Variants in THSD7B observed in about 807,000 individuals in gnomAD.
The protein encoded by THSD7B is thrombospondin type-1 domain-containing protein 7B.
Under a neutral mutation model 213.6 loss-of-function variants are expected in THSD7B, and 138 were observed. That is an observed-to-expected ratio of 0.65 (90% CI 0.56 to 0.74). The LOEUF is 0.74. Among genes scored for constraint, THSD7B ranks in the 30% least tolerant of loss-of-function variants. THSD7B has a pLI of 0.00. For missense variants in THSD7B, 1,931 were observed against 1,991.5 expected (o/e 0.97, Z 0.58); for synonymous variants, 742 against 687.0 (o/e 1.08, Z -1.25).
chr2:136,993,839 C>T (rs1019861662), intron 2 of THSD7B, among the ~76,000 whole-genome samples: 9 of 152,226 alleles, frequency 5.9e-5, no homozygotes, highest in Non-Finnish European at 8.8e-5. Flanking sequence ...TCTGTGTCTG[C>T]GTGCATGTGT....
rs1194192962 is a variant in THSD7B, at chr2:137,170,738, T to G, written c.1526-3T>G. 1.2e-6 allele frequency: 2 copies of G among 1,606,048 alleles called. No individual in the cohort carries two copies. Among genetic ancestry groups the G allele is most frequent in the East Asian group, 2.2e-5 (1 of 44,690 alleles). ...CTGAAAATTCTTTTCTCTCTCTTTT[T>G]AGGATTTAGAACGAGGCAGCGCCAT... is the stretch of plus-strand genomic sequence containing the variant. On this transcript the variant is annotated splice_region_variant and splice_polypyrimidine_tract_variant and intron_variant, in intron 6 of 27. Coordinates refer to ENST00000409968, the MANE Select transcript of THSD7B (RefSeq NM_001316349.2).
At chr2:137,633,032 A>C (rs1435072613) in intron 20 of THSD7B, among the ~76,000 whole-genome samples, 1 of 152,166 alleles carries the variant, frequency 6.6e-6, no homozygotes, top group African/African-American at 2.4e-5. Context: ...AATACCACAC[A>C]TGTGCTAAAG....
At chr2:136,921,174 C>A (rs1196805277) in intron 2 of THSD7B, among the ~76,000 whole-genome samples, 1 of 146,622 alleles carries the variant, frequency 6.8e-6, no homozygotes, top group Non-Finnish European at 1.5e-5. Context: ...AGTGTCCTTA[C>A]AGCAGCCGCT....
chr2:136,787,376 T>G (rs1681881062), intron 1 of THSD7B, among the ~76,000 whole-genome samples: 1 of 152,146 alleles, frequency 6.6e-6, no homozygotes, highest in South Asian at 2.1e-4. Flanking sequence ...TAGGTGTAAA[T>G]TATTCTTTTC....
intron 12 of THSD7B, among the ~76,000 whole-genome samples, chr2:137,363,928 A>C (rs113293339): frequency 6.6e-6 from 1 of 152,190 alleles, no homozygotes; most frequent in Admixed American, 6.5e-5. Context: ...CCTGGCAGAG[A>C]CACAACAAAA....
At chr2:136,852,885 TA>T (rs1411492034) in intron 1 of THSD7B, among the ~76,000 whole-genome samples, 2 of 152,122 alleles carry the variant, frequency 1.3e-5, no homozygotes, top group Non-Finnish European at 1.5e-5. Context: ...GCATTTCCAT[TA>T]AAAAAATTGT....
chr2:137,555,662 C>T (rs1351233159), intron 15 of THSD7B, among the ~76,000 whole-genome samples: 1 of 152,072 alleles, frequency 6.6e-6, no homozygotes, highest in East Asian at 1.9e-4. Context: ...GAACACAGCT[C>T]CTCACCAGCA....
chr2:137,273,584 G>A (rs942762212), intron 11 of THSD7B, among the ~76,000 whole-genome samples: 4 of 152,066 alleles, frequency 2.6e-5, no homozygotes, highest in Admixed American at 6.6e-5. Context: ...ACCTAAAGCT[G>A]TGAAATTCAA....
chr2:137,163,078 A>T (rs1472021323), intron 6 of THSD7B, among the ~76,000 whole-genome samples: 1 of 152,048 alleles, frequency 6.6e-6, no homozygotes, highest in Admixed American at 6.6e-5. Context: ...ATTTTTCCGG[A>T]TAATTCGGAA....
At chr2:136,816,606 G>A (rs566613641) in intron 1 of THSD7B, among the ~76,000 whole-genome samples, 5 of 152,152 alleles carry the variant, frequency 3.3e-5, no homozygotes, top group Admixed American at 2.6e-4. Context: ...TTACATTTCT[G>A]GTAATTTCTT....
chr2:137,552,828 A>G (rs1323212205), intron 15 of THSD7B, among the ~76,000 whole-genome samples: 1 of 152,234 alleles, frequency 6.6e-6, no homozygotes, highest in Non-Finnish European at 1.5e-5. Context: ...GAAAAGGGTC[A>G]GAATGTGGTA....
At chr2:137,620,995 A>C (rs920045797) in intron 20 of THSD7B, among the ~76,000 whole-genome samples, 3 of 152,206 alleles carry the variant, frequency 2.0e-5, no homozygotes, top group Non-Finnish European at 4.4e-5. Context: ...AAGCTCAACA[A>C]ATTGAAAAAA....
At chr2:136,871,034 C>G (rs943977978) in intron 1 of THSD7B, among the ~76,000 whole-genome samples, 25 of 151,934 alleles carry the variant, frequency 1.6e-4, no homozygotes, top group African/African-American at 6.0e-4. Context: ...GTGCTGTCAA[C>G]TAGATTTGCA....
chr2:136,853,137 A>G (rs1683127279), intron 1 of THSD7B, among the ~76,000 whole-genome samples: 1 of 151,952 alleles, frequency 6.6e-6, no homozygotes, highest in Admixed American at 6.6e-5. Flanking sequence ...ACTCTCTTAT[A>G]TTCCACTGTA....
intron 1 of THSD7B, among the ~76,000 whole-genome samples, chr2:136,859,404 G>A (rs985773456): frequency 2.6e-5 from 4 of 152,070 alleles, no homozygotes; most frequent in Non-Finnish European, 5.9e-5. Context: ...TTCTCTTCTC[G>A]AATAATTGAA....
At chr2:137,074,724 C>T (rs537820880) in intron 3 of THSD7B, among the ~76,000 whole-genome samples, 55 of 152,214 alleles carry the variant, frequency 3.6e-4, no homozygotes, top group Admixed American at 2.0e-3. Flanking sequence ...TGGCTGGTTC[C>T]GGTTGTTCCT....
At chr2:136,771,355 C>T (rs1348788864) in intron 1 of THSD7B, among the ~76,000 whole-genome samples, 1 of 152,104 alleles carries the variant, frequency 6.6e-6, no homozygotes, top group East Asian at 1.9e-4. Context: ...AAACTAAACT[C>T]CAGCACTGCT....
At chr2:137,123,773 T>C (rs1688584708) in intron 5 of THSD7B, among the ~76,000 whole-genome samples, 1 of 152,172 alleles carries the variant, frequency 6.6e-6, no homozygotes, top group Non-Finnish European at 1.5e-5. Context: ...CTTTCTCTTT[T>C]TTCTCCCTCA....
chr2:137,317,216 C>G lies in THSD7B; in HGVS notation c.2500+41190C>G, dbSNP rs935940494. ...CTATCCTACATACTAATTATCTGAT[C>G]TATTTTTATTTTCCCAAGAATTCTA... On this transcript the variant is annotated intron_variant, in intron 12 of 27. Transcript: ENST00000409968. 7.9e-5 allele frequency among the ~76,000 whole-genome samples: 12 copies of G among 152,070 alleles called. No homozygotes were observed. The South Asian group carries it at 8.3e-4, about 11-fold the overall frequency.
Sources: gnomAD v4.1 joint callset for allele counts (sites outside exome capture counted in the v4.1 genomes callset) on GRCh38, gnomAD v4.1.1 for gene constraint, MANE v1.5 for transcripts, NCBI Gene and HGNC (gene_info 2026-07-23, HGNC 2026-07-21) for gene names.